Variants in SULF1 observed in about 807,000 individuals in gnomAD.
SULF1 encodes extracellular sulfatase Sulf-1.
SULF1 carries 46 observed loss-of-function variants against 110.5 expected under a neutral mutation model. The observed-to-expected ratio is 0.42, with a 90% CI of 0.33 to 0.53. SULF1 has a LOEUF of 0.53. SULF1 is among the 20% of genes least tolerant of loss of function. SULF1 has a pLI of 0.12. For synonymous variants in SULF1, 371 were observed against 387.1 expected (o/e 0.96, Z 0.49); for missense variants, 941 against 1,094.2 (o/e 0.86, Z 1.98).
Position 69,624,145 on chromosome 8 carries a change from G to A in SULF1, c.1798G>A (p.Ala600Thr). The A allele has an allele frequency of 6.2e-7, 1 of 1,611,402 alleles. No homozygotes were observed. The highest frequency in any genetic ancestry group is 1.3e-5 in the African/African-American group (1 of 74,952). Residue 600 changes from alanine (A) to threonine (T), a missense_variant, in exon 15 of 23, where the codon GCA (alanine) becomes ACA (threonine). Physicochemically the swap from Ala to Thr is moderately conservative, Grantham distance 58. Coordinates refer to ENST00000402687, the MANE Select transcript of SULF1 (RefSeq NM_001128205.2). ...SSGGNRGRML[A>T]DSSNAVGPPT... is the part of the protein sequence containing the mutation. The stretch of plus-strand genomic sequence containing the variant: ...TGGTGGCAACAGGGGCAGGATGCTG[G>A]CAGATAGCAGCAACGCCGTGGGCCC...
chr8:69,616,857 GA>G (rs1351665320), intron 13 of SULF1, among the ~76,000 whole-genome samples: 2 of 151,928 alleles, frequency 1.3e-5, no homozygotes, highest in African/African-American at 4.8e-5. Context: ...CCGGCCTCAA[GA>G]ATAAAATTAG....
Position 69,570,767 on chromosome 8 carries a change from C to T in SULF1, c.173-5203C>T, listed in dbSNP as rs73683983. On this transcript the variant is annotated intron_variant, in intron 5 of 22. Coordinates refer to ENST00000402687, the MANE Select transcript of SULF1 (RefSeq NM_001128205.2). The stretch of plus-strand genomic sequence containing the variant: ...TGGCACTTCTCCCACTCCCAGCCAC[C>T]GCTGACCTCTTCAGCATCCTGGTCC... Among the ~76,000 whole-genome samples the T allele has an allele frequency of 6.1e-3, 936 of 152,320 alleles. 10 individuals are homozygous for T. The highest frequency in any genetic ancestry group is 0.021 in the African/African-American group (870 of 41,570).
chr8:69,548,218 T>C (rs1233251520), intron 3 of SULF1, among the ~76,000 whole-genome samples: 4 of 152,276 alleles, frequency 2.6e-5, no homozygotes, highest in South Asian at 2.1e-4. Context: ...AGGGAGAAGG[T>C]GGGAGAATAC....
chr8:69,476,058 G>A (rs1236168396), intron 1 of SULF1, among the ~76,000 whole-genome samples: 10 of 152,012 alleles, frequency 6.6e-5, no homozygotes, highest in African/African-American at 9.7e-5. Context: ...TTAGTGGAGC[G>A]GAACATGAAA....
At chr8:69,641,168 A>T (rs911797091) in intron 22 of SULF1, 4 of 240,252 alleles carry the variant, frequency 1.7e-5, no homozygotes, top group African/African-American at 8.9e-5. Context: ...AGGGTGGGAG[A>T]TTTATTTTCT....
chr8:69,612,511 C>G (rs200924041), intron 13 of SULF1, among the ~76,000 whole-genome samples: 3 of 42,504 alleles, frequency 7.1e-5, no homozygotes, highest in African/African-American at 4.2e-4. Flanking sequence ...ACGCCAACAT[C>G]TATTGTTTTG....
intron 3 of SULF1, among the ~76,000 whole-genome samples, chr8:69,539,022 C>T (rs920450113): frequency 6.6e-6 from 1 of 152,134 alleles, no homozygotes; most frequent in Non-Finnish European, 1.5e-5. Flanking sequence ...TGATATATGC[C>T]AGGATTGAAC....
Position 69,659,996 on chromosome 8 carries a change from T to C in SULF1, c.*1461T>C, listed in dbSNP as rs1313290130. On this transcript the variant is annotated 3_prime_UTR_variant, in exon 23 of 23. Coordinates refer to ENST00000402687, the MANE Select transcript of SULF1 (RefSeq NM_001128205.2). ...TTTTACCTCGACTTGCTAAAATCGA[T>C]TAGCAGAAAGGCATGGCTAATAATG... 6.6e-6 allele frequency: 1 copy of C among 152,602 alleles called. No homozygotes were observed. Among genetic ancestry groups the C allele is most frequent in the Non-Finnish European group, 1.5e-5 (1 of 68,028 alleles). 9.5% of individuals were successfully genotyped at this position (152,602 alleles called of 1,614,324 possible). A position where few individuals can be genotyped will look rare whatever the true frequency, so the allele number is the denominator to read the frequency against.
intron 3 of SULF1, among the ~76,000 whole-genome samples, chr8:69,518,864 G>A (rs1414455491): frequency 6.6e-6 from 1 of 152,180 alleles, no homozygotes; most frequent in Non-Finnish European, 1.5e-5. Flanking sequence ...CAAAGGACTT[G>A]AGGGGACCCC....
intron 1 of SULF1, among the ~76,000 whole-genome samples, chr8:69,485,154 T>G (rs1809654419): frequency 6.6e-6 from 1 of 152,196 alleles, no homozygotes; most frequent in Admixed American, 6.6e-5. Flanking sequence ...CCCTTCCTTT[T>G]GTGGTTTCTT....
intron 8 of SULF1, among the ~76,000 whole-genome samples, chr8:69,592,677 G>A (rs116673500): frequency 0.014 from 2,135 of 152,266 alleles, 41 homozygotes; most frequent in African/African-American, 0.049. Context: ...TCCCCACATA[G>A]AGCCTGGGAC....
chr8:69,601,176 A>C (rs1466475908), intron 9 of SULF1, among the ~76,000 whole-genome samples: 1 of 152,240 alleles, frequency 6.6e-6, no homozygotes, highest in Non-Finnish European at 1.5e-5. Flanking sequence ...TTTTTAAAGA[A>C]GCCAGAAACA....
Position 69,658,797 on chromosome 8 carries a change from T to G in SULF1, c.*262T>G. On this transcript the variant is annotated 3_prime_UTR_variant, in exon 23 of 23. Coordinates refer to ENST00000402687, the MANE Select transcript of SULF1 (RefSeq NM_001128205.2). The stretch of plus-strand genomic sequence containing the variant: ...CTGTGTCAATGGAGATGGCCTCTGC[T>G]GACTCAGATGAAGACCCAAGGCATA... The G allele has an allele frequency of 1.6e-6, 1 of 629,290 alleles. No individual in the cohort carries two copies. The highest frequency in any genetic ancestry group is 3.2e-5 in the East Asian group (1 of 30,820). The allele number at this position is 629,290 out of a possible 1,614,324, so 39.0% of individuals were successfully genotyped here.
rs1195868933 is a variant in SULF1, at chr8:69,603,219, C to T, written c.1089C>T (p.Asp363=). 1.2e-6 allele frequency: 2 copies of T among 1,614,052 alleles called. No individual in the cohort carries two copies. Among genetic ancestry groups the T allele is most frequent in the East Asian group, 2.2e-5 (1 of 44,898 alleles). The change falls in exon 11 of 23, where the codon GAC becomes GAT. Residue 363 remains aspartate (D), a synonymous_variant. Coordinates refer to ENST00000402687, the MANE Select transcript of SULF1 (RefSeq NM_001128205.2). ...TCCCACAGATCGTTCTCAACATTGA[C>T]TTGGCCCCCACGATCCTGGATATTG... is the stretch of plus-strand genomic sequence containing the variant. ...SIVPQIVLNI[D]LAPTILDIAG...
At chr8:69,605,178 C>T (rs1808142963) in intron 13 of SULF1, among the ~76,000 whole-genome samples, 1 of 152,186 alleles carries the variant, frequency 6.6e-6, no homozygotes, top group Non-Finnish European at 1.5e-5. Context: ...AAGTTCTATG[C>T]CAAAAGACAC....
At position 69,540,711 on chromosome 8, in the gene SULF1, A is replaced by T. The variant is rs527453596; in HGVS notation, c.-133-22828A>T. Reference sequence around the variant, plus strand: ...CAGGAGTGGATGTTCTTGCTGTAGGATCATATTTTAGGGCTCCACTTGAGA... The same window carrying T: ...CAGGAGTGGATGTTCTTGCTGTAGGTTCATATTTTAGGGCTCCACTTGAGA... On this transcript the variant is annotated intron_variant, in intron 3 of 22. Coordinates refer to ENST00000402687, the MANE Select transcript of SULF1 (RefSeq NM_001128205.2). Among the ~76,000 whole-genome samples the T allele has an allele frequency of 1.6e-4, 24 of 152,232 alleles. No homozygotes were observed. The South Asian group carries it at 5.0e-3, about 32-fold the overall frequency.
intron 19 of SULF1, among the ~76,000 whole-genome samples, chr8:69,631,995 T>C (rs1470697092): frequency 2.0e-5 from 3 of 152,274 alleles, no homozygotes; most frequent in Non-Finnish European, 2.9e-5. Flanking sequence ...TAAAAAACCA[T>C]GTCTCTATGA....
chr8:69,493,314 G>A (rs1002379381), intron 1 of SULF1, among the ~76,000 whole-genome samples, 189 bp downstream of exon 1: 5 of 152,018 alleles, frequency 3.3e-5, no homozygotes, highest in African/African-American at 1.2e-4. Context: ...TAATAAGAGG[G>A]GAAAGAGGTT....
chr8:69,547,223 A>T (rs1346490325), intron 3 of SULF1, among the ~76,000 whole-genome samples: 1 of 152,252 alleles, frequency 6.6e-6, no homozygotes, highest in Admixed American at 6.5e-5. Context: ...ACCTGCTCTA[A>T]TTTCCCATGT....
Sources: gnomAD v4.1 joint callset for allele counts (sites outside exome capture counted in the v4.1 genomes callset) on GRCh38, gnomAD v4.1.1 for gene constraint, MANE v1.5 for transcripts, NCBI Gene and HGNC (gene_info 2026-07-23, HGNC 2026-07-21) for gene names.